Variants in NPAS3 observed in about 807,000 individuals in gnomAD.
NPAS3 encodes neuronal PAS domain protein 3.
In NPAS3, 14 loss-of-function variants were observed where a neutral mutation model predicts 73.1. That is an observed-to-expected ratio of 0.19 (90% CI 0.13 to 0.30). The LOEUF (loss-of-function observed/expected upper bound fraction) is 0.30, where lower values mean the gene tolerates loss of function less well. NPAS3 is among the 10% of genes least tolerant of loss of function. NPAS3 has a pLI of 1.00. For missense variants in NPAS3, 1,096 were observed against 1,250.0 expected (o/e 0.88, Z 1.86); for synonymous variants, 620 against 541.5 (o/e 1.14, Z -2.01).
intron 1 of NPAS3, among the ~76,000 whole-genome samples, chr14:33,030,753 C>T (rs1426119025): frequency 1.3e-5 from 2 of 152,084 alleles, no homozygotes; most frequent in African/African-American, 2.4e-5. Flanking sequence ...ACTGTAAAGT[C>T]GGTGTATGCC....
intron 2 of NPAS3, among the ~76,000 whole-genome samples, chr14:33,180,799 CAAGAAAAAAAA>C (rs1389694821): frequency 1.6e-4 from 11 of 69,366 alleles, no homozygotes; most frequent in Non-Finnish European, 2.6e-4. Flanking sequence ...ACACTGTCTC[CAAGAAAAAAAA>C]AAAAAAAAAA....
chr14:33,187,958 G>A (rs1205922247), intron 2 of NPAS3, among the ~76,000 whole-genome samples: 2 of 151,990 alleles, frequency 1.3e-5, no homozygotes, highest in East Asian at 3.9e-4. Context: ...TCTTAAATTT[G>A]GCAGAACATG....
intron 6 of NPAS3, among the ~76,000 whole-genome samples, chr14:33,694,474 A>G (rs990453835): frequency 3.3e-5 from 5 of 152,196 alleles, no homozygotes; most frequent in African/African-American, 1.2e-4. Flanking sequence ...GTGTGATTTA[A>G]TAGTCAAAGG....
chr14:33,727,294 T>C (rs143671092), intron 6 of NPAS3, among the ~76,000 whole-genome samples: 66 of 152,268 alleles, frequency 4.3e-4, no homozygotes, highest in African/African-American at 1.5e-3. Context: ...GCAACCATAA[T>C]TTTTTCTTCC....
intron 3 of NPAS3, among the ~76,000 whole-genome samples, chr14:33,289,412 C>T (rs561836374): frequency 3.3e-5 from 5 of 152,280 alleles, no homozygotes; most frequent in African/African-American, 1.2e-4. Context: ...GACACCCTGC[C>T]CCTTTTAAAA....
chr14:33,175,753 T>C (rs984299116), intron 2 of NPAS3, among the ~76,000 whole-genome samples: 2 of 152,188 alleles, frequency 1.3e-5, no homozygotes, highest in Non-Finnish European at 2.9e-5. Flanking sequence ...GACATCATAT[T>C]CAATAGAGTA....
intron 7 of NPAS3, among the ~76,000 whole-genome samples, chr14:33,767,074 C>T (rs942790180): frequency 2.0e-5 from 3 of 152,192 alleles, no homozygotes; most frequent in Non-Finnish European, 2.9e-5. Flanking sequence ...TTCTCCATGG[C>T]GCTTGCATCT....
chr14:33,617,488 A>T (rs2057955196), intron 5 of NPAS3, among the ~76,000 whole-genome samples: 1 of 152,158 alleles, frequency 6.6e-6, no homozygotes, highest in Non-Finnish European at 1.5e-5. Flanking sequence ...TGCCAGGATT[A>T]AGATCTGTGA....
chr14:32,997,486 G>A (rs773919449), intron 1 of NPAS3, among the ~76,000 whole-genome samples: 8 of 152,174 alleles, frequency 5.3e-5, no homozygotes, highest in Non-Finnish European at 8.8e-5. Context: ...CAATTCCCAC[G>A]TATTGTTAGA....
intron 3 of NPAS3, among the ~76,000 whole-genome samples, chr14:33,296,210 T>G (rs920247265): frequency 6.6e-6 from 1 of 152,170 alleles, no homozygotes; most frequent in African/African-American, 2.4e-5. Context: ...TCCTGGAAAG[T>G]TAAATTTAAT....
chr14:33,371,524 T>G (rs2046087593), intron 4 of NPAS3, among the ~76,000 whole-genome samples: 1 of 152,204 alleles, frequency 6.6e-6, no homozygotes, highest in African/African-American at 2.4e-5. Context: ...AATCAGTATC[T>G]CATGGTCATG....
intron 2 of NPAS3, among the ~76,000 whole-genome samples, chr14:33,127,907 C>G (rs1355151456): frequency 6.6e-6 from 1 of 152,064 alleles, no homozygotes; most frequent in African/African-American, 2.4e-5. Context: ...ATTTGCATCA[C>G]TAAGACTTAT....
In NPAS3 at chr14:33,514,183, A is replaced by G. The variant is rs192014392; in HGVS notation, c.469-45938A>G. ...GGAGATGCTCAGAATTGAATTAACA[A>G]GGGGCTCCGGGTCAGTCTGAAGGTG... On this transcript the variant is annotated intron_variant, in intron 4 of 11. Coordinates refer to ENST00000356141, the Ensembl canonical transcript of NPAS3. 4.0e-3 allele frequency among the ~76,000 whole-genome samples: 615 copies of G among 152,136 alleles called. 3 individuals carry two copies. Among genetic ancestry groups the G allele is most frequent in the African/African-American group, 0.013 (532 of 41,542 alleles).
intron 8 of NPAS3, among the ~76,000 whole-genome samples, chr14:33,776,861 G>C (rs1384355160): frequency 1.3e-5 from 2 of 152,198 alleles, no homozygotes; most frequent in Non-Finnish European, 2.9e-5. Flanking sequence ...TGTGTTAAGA[G>C]ACCCTCAAAT....
intron 1 of NPAS3, among the ~76,000 whole-genome samples, chr14:33,034,994 C>T (rs973154242): frequency 1.3e-5 from 2 of 152,190 alleles, no homozygotes; most frequent in African/African-American, 4.8e-5. Context: ...AAAAATATCA[C>T]ATTGCTTGAT....
intron 5 of NPAS3, among the ~76,000 whole-genome samples, chr14:33,642,737 A>G (rs987371402): frequency 6.6e-6 from 1 of 152,174 alleles, no homozygotes; most frequent in Non-Finnish European, 1.5e-5. Flanking sequence ...AAACTTTACA[A>G]GGTCACAACA....
chr14:33,680,119 A>G (rs1952603), intron 6 of NPAS3, among the ~76,000 whole-genome samples: 116,884 of 152,038 alleles, frequency 0.77, 46,019 homozygotes, highest in East Asian at 0.96. Flanking sequence ...TTCTTTTTGC[A>G]GATCTACTTG....
At chr14:33,204,506 A>T (rs35807272) in intron 2 of NPAS3, among the ~76,000 whole-genome samples, 10 of 152,108 alleles carry the variant, frequency 6.6e-5, no homozygotes, top group Admixed American at 2.6e-4. Context: ...AGCGTGGTTC[A>T]GGAAGCACAG....
chr14:33,439,959 C>CA (rs2049166469), intron 4 of NPAS3, among the ~76,000 whole-genome samples: 1 of 151,782 alleles, frequency 6.6e-6, no homozygotes, highest in Admixed American at 6.6e-5. Flanking sequence ...ACTAAAAATA[C>CA]AAAAAAATTA....
Sources: gnomAD v4.1 joint callset for allele counts (sites outside exome capture counted in the v4.1 genomes callset) on GRCh38, gnomAD v4.1.1 for gene constraint, MANE v1.5 for transcripts, NCBI Gene and HGNC (gene_info 2026-07-23, HGNC 2026-07-21) for gene names.